PTK2: variants seen among roughly 807,000 people sequenced by gnomAD.
PTK2 encodes focal adhesion kinase 1.
Under a neutral mutation model 150.1 loss-of-function variants are expected in PTK2, and 45 were observed. The observed-to-expected ratio is 0.30, with a 90% CI of 0.24 to 0.38. The LOEUF (loss-of-function observed/expected upper bound fraction) is 0.38, where lower values mean the gene tolerates loss of function less well. Ranked by LOEUF, PTK2 falls within the 10% of genes least tolerant of loss-of-function variation. The pLI is 1.00. For synonymous variants in PTK2, 432 were observed against 449.2 expected, an observed-to-expected ratio of 0.96 and a Z score of 0.48; for missense variants, 919 against 1,307.3, an observed-to-expected ratio of 0.70 and a Z score of 4.58.
chr8:140,890,717 G>A (rs748382315), exon 3 of PTK2: 4 of 1,613,954 alleles, frequency 2.5e-6, no homozygotes, highest in East Asian at 2.2e-5. Context: ...TCAAGTTGGG[G>A]TCAAGGTAAG....
At chr8:140,849,731 A>G (rs2100127972) in intron 5 of PTK2, among the ~76,000 whole-genome samples, 1 of 152,236 alleles carries the variant, frequency 6.6e-6, no homozygotes, top group Non-Finnish European at 1.5e-5. Context: ...CATTTTACGT[A>G]TATTTCTGAT....
At chr8:140,918,202 G>A (rs2100166058) in intron 2 of PTK2, among the ~76,000 whole-genome samples, 1 of 152,096 alleles carries the variant, frequency 6.6e-6, no homozygotes, top group Non-Finnish European at 1.5e-5. Context: ...AAGAGTTCGG[G>A]GTGTTTGAGG....
At chr8:140,659,618 G>A (rs1192658870) in exon 32 of PTK2, 4 of 1,614,182 alleles carry the variant, frequency 2.5e-6, no homozygotes, top group East Asian at 2.2e-5. Context: ...TGCTGGGCCA[G>A]TTTCATCTTG....
chr8:140,931,167 C>T (rs1405381578), intron 1 of PTK2, among the ~76,000 whole-genome samples: 4 of 152,094 alleles, frequency 2.6e-5, no homozygotes, highest in Admixed American at 6.5e-5. Context: ...CATCACCCCC[C>T]CTTCACCCTA....
chr8:140,721,396 T>G (rs2100042897), intron 22 of PTK2, among the ~76,000 whole-genome samples: 1 of 152,188 alleles, frequency 6.6e-6, no homozygotes, highest in African/African-American at 2.4e-5. Context: ...ATGTTACAAC[T>G]ATAAGGAATA....
intron 1 of PTK2, among the ~76,000 whole-genome samples, chr8:140,991,973 C>A (rs1452469680): frequency 1.3e-5 from 2 of 151,514 alleles, no homozygotes; most frequent in Admixed American, 6.6e-5. Flanking sequence ...AAGACCCGGT[C>A]TCAAAGAAAA....
At chr8:140,739,202 T>G (rs2100054273) in intron 20 of PTK2, 95 bp from the exon 24 acceptor site, 3 of 793,796 alleles carry the variant, frequency 3.8e-6, no homozygotes, top group Non-Finnish European at 5.6e-6. Flanking sequence ...GGAAAAAGCT[T>G]TAACTATTTG....
At chr8:140,820,076 GTTTTTTTTTTT>G (rs370537018) in intron 8 of PTK2, among the ~76,000 whole-genome samples, 17 of 50,254 alleles carry the variant, frequency 3.4e-4, no homozygotes, top group South Asian at 1.5e-3. Context: ...TCTGACTTTG[GTTTTTTTTTTT>G]TTTTTTTTTT....
intron 10 of PTK2, among the ~76,000 whole-genome samples, chr8:140,803,919 G>A (rs915418199): frequency 1.3e-5 from 2 of 152,208 alleles, no homozygotes; most frequent in Admixed American, 6.5e-5. Context: ...TTACCACTGA[G>A]AGAGAACAGA....
chr8:140,846,858 C>T (rs1002521551), intron 5 of PTK2, among the ~76,000 whole-genome samples, 180 bp from the exon 6 acceptor site: 1 of 151,932 alleles, frequency 6.6e-6, no homozygotes, highest in Non-Finnish European at 1.5e-5. Context: ...TACATTGTGT[C>T]GGTAATTATG....
At chr8:140,690,530 T>A (rs2100022555) in intron 26 of PTK2, among the ~76,000 whole-genome samples, 1 of 152,200 alleles carries the variant, frequency 6.6e-6, no homozygotes, top group South Asian at 2.1e-4. Context: ...GTATACCTCA[T>A]TTGTCAATAA....
exon 32 of PTK2, chr8:140,658,733 C>T (rs2075626006): frequency 4.6e-6 from 1 of 219,214 alleles, no homozygotes; most frequent in African/African-American, 2.2e-5. Flanking sequence ...TGCTCTGGTA[C>T]AAAGCATTTC....
intron 22 of PTK2, among the ~76,000 whole-genome samples, chr8:140,723,975 T>C (rs2100044388): frequency 6.6e-6 from 1 of 152,236 alleles, no homozygotes; most frequent in South Asian, 2.1e-4. Flanking sequence ...CAACATTCCC[T>C]ATACAACTTG....
intron 14 of PTK2, among the ~76,000 whole-genome samples, chr8:140,772,728 A>C (rs1269671401): frequency 1.3e-5 from 2 of 151,840 alleles, no homozygotes; most frequent in Non-Finnish European, 3.0e-5. Context: ...ACAACAACAA[A>C]AAACCCATAG....
Position 140,901,172 on chromosome 8 carries a change from C to T in PTK2, c.-32-10403G>A, listed in dbSNP as rs184145746. 3.4e-3 allele frequency among the ~76,000 whole-genome samples: 520 copies of T among 152,220 alleles called. 4 individuals carry two copies. Among genetic ancestry groups the T allele is most frequent in the African/African-American group, 0.012 (505 of 41,536 alleles). ...TCATGCAGTGGGGAAATGATAGTTC[C>T]TTTAATACCTGGTGCCGAGAAAACT... On this transcript the variant is annotated intron_variant, in intron 2 of 31. Coordinates refer to ENST00000522684, the Ensembl canonical transcript of PTK2.
intron 29 of PTK2, chr8:140,674,049 T>C: frequency 1.6e-6 from 1 of 628,366 alleles, no homozygotes. Flanking sequence ...AATCAGAATC[T>C]GACTGAATTC....
chr8:140,791,825 T>C (rs559797053), intron 13 of PTK2, among the ~76,000 whole-genome samples: 2 of 152,144 alleles, frequency 1.3e-5, no homozygotes, highest in East Asian at 3.9e-4. Flanking sequence ...TGTTTGCTCC[T>C]GGAATTGAAA....
intron 1 of PTK2, among the ~76,000 whole-genome samples, chr8:140,986,339 A>C (rs1005948988): frequency 3.9e-5 from 6 of 152,234 alleles, no homozygotes; most frequent in Non-Finnish European, 7.3e-5. Flanking sequence ...TTGGCTTCTT[A>C]ATTTCAAGCA....
intron 2 of PTK2, among the ~76,000 whole-genome samples, chr8:140,901,245 TC>T (rs2100158317): frequency 1.3e-5 from 2 of 152,196 alleles, no homozygotes; most frequent in African/African-American, 2.4e-5. Context: ...TCTCTCTCTC[TC>T]TCACCATACA....
Sources: gnomAD v4.1 joint callset for allele counts (sites outside exome capture counted in the v4.1 genomes callset) on GRCh38, gnomAD v4.1.1 for gene constraint, MANE v1.5 for transcripts, NCBI Gene and HGNC (gene_info 2026-07-23, HGNC 2026-07-21) for gene names.